RYR2: variants seen among roughly 807,000 people sequenced by gnomAD.
The protein encoded by RYR2 is cardiac muscle ryanodine receptor-calcium release channel.
A neutral mutation model predicts 601.1 loss-of-function variants in RYR2; 227 were observed. The observed-to-expected ratio is 0.38, with a 90% CI of 0.34 to 0.42. The LOEUF is 0.42. RYR2 is among the 10% of genes least tolerant of loss of function. The pLI is 1.00. For missense variants in RYR2, 4,646 were observed against 6,156.5 expected, an observed-to-expected ratio of 0.75 and a Z score of 8.21; for synonymous variants, 2,223 against 2,175.1, an observed-to-expected ratio of 1.02 and a Z score of -0.61.
At position 237,044,785 on chromosome 1, in the gene RYR2, CT is replaced by C. The variant is rs373864494; in HGVS notation, c.48+2224del. On this transcript the variant is annotated intron_variant, in intron 1 of 104. Coordinates refer to ENST00000366574, the MANE Select transcript of RYR2 (RefSeq NM_001035.3). ...CTCCATCCTTCCCTCCCCCACCCCC[CT>C]TTTTTTTCTCTTAACCTGAGAATGT... Among the ~76,000 whole-genome samples, 6 of 148,604 alleles carry C rather than the reference CT, an allele frequency of 4.0e-5. No homozygotes were observed. The South Asian group carries it at 8.7e-4, about 22-fold the overall frequency.
chr1:237,455,861 T>C (rs575526690), intron 15 of RYR2, among the ~76,000 whole-genome samples: 1 of 152,336 alleles, frequency 6.6e-6, no homozygotes, highest in African/African-American at 2.4e-5. Context: ...TCTTTTACAA[T>C]GCTGCATTTA....
intron 18 of RYR2, 132 bp from the exon 19 acceptor site, chr1:237,492,822 T>G (rs1294957133): frequency 3.3e-5 from 27 of 820,656 alleles, no homozygotes; most frequent in African/African-American, 2.3e-5. Context: ...AGATGCTGTC[T>G]GAAAGGAAGG....
intron 2 of RYR2, among the ~76,000 whole-genome samples, chr1:237,328,796 G>T (rs1176887977): frequency 6.6e-6 from 1 of 152,236 alleles, no homozygotes; most frequent in Middle Eastern, 3.4e-3. Context: ...TCATTCCAAT[G>T]GTAGAGGTTC....
chr1:237,711,901 T>A, intron 71 of RYR2, 64 bp downstream of exon 71: 1 of 763,554 alleles, frequency 1.3e-6, no homozygotes, highest in East Asian at 2.6e-5. Context: ...TGAATTGACT[T>A]TTTTTTTTTA....
intron 101 of RYR2, among the ~76,000 whole-genome samples, chr1:237,822,330 C>T (rs1480508639): frequency 1.3e-5 from 2 of 152,320 alleles, no homozygotes; most frequent in East Asian, 1.9e-4. Context: ...CAGCAGATCT[C>T]GCTGTAGAAA....
Position 237,212,622 on chromosome 1 carries a change from A to G in RYR2, c.49-57875A>G, listed in dbSNP as rs146207520. ...CCTTTTGTTACAAAATGAAAAGGAA[A>G]CGTAGAAACAATATTGTTAAATTAA... On this transcript the variant is annotated intron_variant, in intron 1 of 104. Transcript: ENST00000366574. 7.5e-4 allele frequency among the ~76,000 whole-genome samples: 114 copies of G among 152,296 alleles called. 1 individual carries two copies. Among genetic ancestry groups the G allele is most frequent in the African/African-American group, 2.5e-3 (103 of 41,560 alleles).
intron 1 of RYR2, among the ~76,000 whole-genome samples, chr1:237,224,424 T>C (rs971018783): frequency 2.0e-5 from 3 of 152,242 alleles, no homozygotes; most frequent in African/African-American, 7.2e-5. Context: ...TTTTTGACTG[T>C]GCAGGGGGTC....
intron 3 of RYR2, among the ~76,000 whole-genome samples, chr1:237,341,274 A>G (rs992942041): frequency 1.3e-5 from 2 of 152,194 alleles, no homozygotes; most frequent in African/African-American, 4.8e-5. Context: ...TTCTGATTCA[A>G]TCTTAATAAA....
rs762390530 is a variant in RYR2, at chr1:237,423,294, A to G, written c.1005+46A>G. 11 of 1,580,286 alleles carry G rather than the reference A, an allele frequency of 7.0e-6. No homozygotes were observed. The African/African-American group carries it at 1.4e-4, about 20-fold the overall frequency. On this transcript the variant is annotated intron_variant, in intron 12 of 104. Coordinates refer to ENST00000366574, the MANE Select transcript of RYR2 (RefSeq NM_001035.3). ...GGTTTCCTATAAATGTTACCCGGTC[A>G]TATTTCCTTTGATGTTAGAAAGGAG... is the stretch of plus-strand genomic sequence containing the variant.
chr1:237,445,654 G>A lies in RYR2; in HGVS notation c.1292+132G>A, dbSNP rs547946011. 99 of 1,031,848 alleles carry A rather than the reference G, an allele frequency of 9.6e-5. No individual in the cohort carries two copies. The African/African-American group carries it at 1.2e-3, about 13-fold the overall frequency. 63.9% of individuals were successfully genotyped at this position (1,031,848 alleles called of 1,614,324 possible). On this transcript the variant is annotated intron_variant, in intron 14 of 104. Coordinates refer to ENST00000366574, the MANE Select transcript of RYR2 (RefSeq NM_001035.3). ...TACTGTTTGGTAAGTCAGCAGAAAC[G>A]TTAGGAAGTGTTAATGAGATGATTT...
chr1:237,383,414 C>CTTTTTTT (rs1558724426), intron 8 of RYR2, among the ~76,000 whole-genome samples: 4 of 64,778 alleles, frequency 6.2e-5, no homozygotes, highest in African/African-American at 1.6e-4. Context: ...TTTCTTTTTT[C>CTTTTTTT]TTGTTTTTTT....
chr1:237,795,288 G>T lies in RYR2; in HGVS notation c.13914-1G>T. 7.4e-7 allele frequency: 1 copy of T among 1,348,460 alleles called. No individual in the cohort carries two copies. The highest frequency in any genetic ancestry group is 1.0e-6 in the Non-Finnish European group (1 of 975,046). The allele number at this position is 1,348,460 out of a possible 1,614,324, so 83.5% of individuals were successfully genotyped here. ...TACTTCTATGCTTTTGTATATTTTA[G>T]GTCATTTCCCAACAACTACTGGGAC... On this transcript the variant is annotated splice_acceptor_variant, in intron 95 of 104. Transcript: ENST00000366574. LOFTEE classifies it high-confidence loss of function.
At chr1:237,568,178 G>A (rs976445039) in intron 28 of RYR2, among the ~76,000 whole-genome samples, 1 of 152,070 alleles carries the variant, frequency 6.6e-6, no homozygotes, top group Non-Finnish European at 1.5e-5. Context: ...GGGTGGGTGG[G>A]GTAGGAAGGA....
rs1558303018 is a variant in RYR2, at chr1:237,138,043, AT to A, written c.48+95480del. Among the ~76,000 whole-genome samples, 3 of 151,568 alleles carry A rather than the reference AT, an allele frequency of 2.0e-5. No homozygotes were observed. In the East Asian group the frequency reaches 5.8e-4, roughly 29 times the overall value. On this transcript the variant is annotated intron_variant, in intron 1 of 104. Transcript: ENST00000366574. Reference sequence around the variant, plus strand: ...ATTTTATTTTATTTTATTTTATTTTATTTTTTGGGACTGAGTCTTGCTCTGT... The same window carrying A: ...ATTTTATTTTATTTTATTTTATTTTATTTTTGGGACTGAGTCTTGCTCTGT...
chr1:237,732,831 G>A (rs191348255), intron 78 of RYR2, among the ~76,000 whole-genome samples: 7 of 152,268 alleles, frequency 4.6e-5, no homozygotes, highest in Admixed American at 3.9e-4. Flanking sequence ...CTGCTGCCCT[G>A]CAATGGGAAA....
intron 35 of RYR2, among the ~76,000 whole-genome samples, chr1:237,603,988 C>T (rs541329594): frequency 1.3e-5 from 2 of 152,254 alleles, no homozygotes; most frequent in South Asian, 4.1e-4. Context: ...CTTTAACACC[C>T]CACTGTCAAC....
At chr1:237,282,566 T>C (rs550169825) in intron 2 of RYR2, among the ~76,000 whole-genome samples, 1 of 152,254 alleles carries the variant, frequency 6.6e-6, no homozygotes, top group African/African-American at 2.4e-5. Context: ...GTCAGAGATA[T>C]GATAGAGGCA....
At chr1:237,331,237 T>C (rs1696679255) in intron 3 of RYR2, among the ~76,000 whole-genome samples, 1 of 152,218 alleles carries the variant, frequency 6.6e-6, no homozygotes, top group Non-Finnish European at 1.5e-5. Flanking sequence ...AAAACCGACC[T>C]TTCTTTGAGC....
intron 24 of RYR2, among the ~76,000 whole-genome samples, chr1:237,523,790 A>T (rs1667321455): frequency 6.6e-6 from 1 of 152,116 alleles, no homozygotes; most frequent in Non-Finnish European, 1.5e-5. Flanking sequence ...AGATACACAG[A>T]TGGCTAATAA....
Sources: gnomAD v4.1 joint callset for allele counts (sites outside exome capture counted in the v4.1 genomes callset) on GRCh38, gnomAD v4.1.1 for gene constraint, MANE v1.5 for transcripts, NCBI Gene and HGNC (gene_info 2026-07-23, HGNC 2026-07-21) for gene names.